The following MALRD1 variants were observed in gnomAD, a reference collection of about 807,000 sequenced individuals.
MALRD1 encodes MAM and LDL receptor class A domain containing 1, also known as MAM and LDL-receptor class A domain-containing protein 1.
In MALRD1, 247 loss-of-function variants were observed where a neutral mutation model predicts 242.1. That is an observed-to-expected ratio of 1.02 (90% confidence interval 0.92 to 1.13). MALRD1 has a LOEUF of 1.13. Ranked by LOEUF, MALRD1 falls within the 50% of genes most tolerant of loss-of-function variation. MALRD1 has a pLI of 0.00. For synonymous variants in MALRD1, 995 were observed against 866.6 expected (o/e 1.15, Z -2.60); for missense variants, 2,989 against 2,533.1 (o/e 1.18, Z -3.86).
chr10:19,412,730 C>A (rs983768484), intron 28 of MALRD1, among the ~76,000 whole-genome samples: 6 of 152,154 alleles, frequency 3.9e-5, no homozygotes, highest in Non-Finnish European at 7.4e-5. Flanking sequence ...GAGGCAGAGT[C>A]TGCCAACCAT....
chr10:19,495,057 A>T (rs554259124), intron 30 of MALRD1, among the ~76,000 whole-genome samples: 41 of 151,316 alleles, frequency 2.7e-4, no homozygotes, highest in African/African-American at 9.4e-4. Flanking sequence ...GCTCACTGCA[A>T]CCTCCGTCTC....
At chr10:19,440,917 A>T (rs9703341) in intron 28 of MALRD1, among the ~76,000 whole-genome samples, 2 of 150,992 alleles carry the variant, frequency 1.3e-5, no homozygotes, top group Admixed American at 6.6e-5. Flanking sequence ...AGGAATCACC[A>T]CACTGACTTC....
At chr10:19,064,566 C>T (rs1400633708) in intron 1 of MALRD1, among the ~76,000 whole-genome samples, 3 of 149,426 alleles carry the variant, frequency 2.0e-5, no homozygotes, top group Non-Finnish European at 4.4e-5. Flanking sequence ...CATTTTATAA[C>T]AAAAAGAACC....
intron 18 of MALRD1, among the ~76,000 whole-genome samples, chr10:19,213,844 G>C (rs986221240): frequency 6.6e-6 from 1 of 152,056 alleles, no homozygotes; most frequent in African/African-American, 2.4e-5. Flanking sequence ...GACTCTTTTT[G>C]GTCTTGCTTT....
At chr10:19,483,890 A>T (rs1298113225) in intron 29 of MALRD1, among the ~76,000 whole-genome samples, 1 of 152,190 alleles carries the variant, frequency 6.6e-6, no homozygotes, top group Non-Finnish European at 1.5e-5. Flanking sequence ...GCCCATCAAC[A>T]GTGGATTGAA....
intron 36 of MALRD1, among the ~76,000 whole-genome samples, chr10:19,688,096 C>T (rs1175656454): frequency 6.6e-6 from 1 of 151,910 alleles, no homozygotes; most frequent in African/African-American, 2.4e-5. Context: ...CAGCCTCCCA[C>T]GTCGCTGGGA....
At chr10:19,123,379 G>C (rs1235528680) in intron 5 of MALRD1, 113 bp from the exon 6 acceptor site, 1 of 451,446 alleles carries the variant, frequency 2.2e-6, no homozygotes, top group African/African-American at 2.0e-5. Context: ...ATACCATAAA[G>C]AGAAATTGGT....
In MALRD1 at chr10:19,607,779, A is replaced by G. The variant is rs767635371; in HGVS notation, c.5947A>G (p.Asn1983Asp). ...HFNEDELICSNKSCSNGALVC... is the reference protein window; with the variant it reads ...HFNEDELICSDKSCSNGALVC... Reference sequence around the variant, plus strand: ...TCATTATTCTTTTTTTTTTGCAGCCAACAAAAGCTGTTCTAATGGAGCTCT... The same window carrying G: ...TCATTATTCTTTTTTTTTTGCAGCCGACAAAAGCTGTTCTAATGGAGCTCT... Residue 1983 changes from asparagine to aspartate, a missense_variant and splice_region_variant, in exon 35 of 40, where the codon AAC (asparagine) becomes GAC (aspartate). Physicochemically the swap from Asn to Asp is conservative, Grantham distance 23. Transcript: ENST00000454679. The G allele has an allele frequency of 6.5e-7, 1 of 1,545,958 alleles. No homozygotes were observed. Among genetic ancestry groups the G allele is most frequent in the South Asian group, 1.2e-5 (1 of 83,238 alleles).
At chr10:19,247,108 A>C (rs986681960) in intron 18 of MALRD1, among the ~76,000 whole-genome samples, 1 of 152,136 alleles carries the variant, frequency 6.6e-6, no homozygotes, top group Non-Finnish European at 1.5e-5. Context: ...TTGCACAGCT[A>C]GTCTACATAG....
rs533739751 is a variant in MALRD1 at position 19,624,967 on chromosome 10, G to A, written c.6137+9044G>A. 7.3e-5 allele frequency among the ~76,000 whole-genome samples: 11 copies of A among 151,506 alleles called. No homozygotes were observed. In the South Asian group the frequency reaches 1.0e-3, roughly 14 times the overall value. Reference sequence around the variant, plus strand: ...CTGTAATCCTAGCACTTCAGAGGCAGAAGTGGGAGGATTGCTTGAGCCCAG... The same window carrying A: ...CTGTAATCCTAGCACTTCAGAGGCAAAAGTGGGAGGATTGCTTGAGCCCAG... On this transcript the variant is annotated intron_variant, in intron 36 of 39. Coordinates refer to ENST00000454679, the MANE Select transcript of MALRD1 (RefSeq NM_001142308.3).
chr10:19,450,126 A>G lies in MALRD1; in HGVS notation c.4846-181A>G, dbSNP rs112342331. ...ACCCCTGACCTCTTGAGTCTTTTTG[A>G]GTTGGGTTTGACAAGAATGACTCAA... is the stretch of plus-strand genomic sequence containing the variant. On this transcript the variant is annotated intron_variant, in intron 28 of 39. Transcript: ENST00000454679. Among the ~76,000 whole-genome samples the G allele has an allele frequency of 2.6e-3, 398 of 152,144 alleles. 3 individuals carry two copies. The highest frequency in any genetic ancestry group is 8.0e-3 in the African/African-American group (334 of 41,504).
At chr10:19,712,063 ATGGT>A (rs1463149417) in intron 38 of MALRD1, among the ~76,000 whole-genome samples, 5 of 152,286 alleles carry the variant, frequency 3.3e-5, no homozygotes, top group Non-Finnish European at 7.4e-5. Flanking sequence ...TGGAGGCCTG[ATGGT>A]TGGTTTCCCA....
chr10:19,714,696 A>G (rs1418099743), intron 38 of MALRD1, among the ~76,000 whole-genome samples: 1 of 152,126 alleles, frequency 6.6e-6, no homozygotes, highest in Non-Finnish European at 1.5e-5. Context: ...GTAGTGCTGC[A>G]GGGCTAGGAG....
chr10:19,240,118 C>G (rs755149039), intron 18 of MALRD1, among the ~76,000 whole-genome samples: 1 of 152,070 alleles, frequency 6.6e-6, no homozygotes, highest in Admixed American at 6.6e-5. Flanking sequence ...ATCAGTTCTT[C>G]CAATCCATGA....
chr10:19,189,928 A>G (rs939179306), intron 14 of MALRD1, among the ~76,000 whole-genome samples: 7 of 152,130 alleles, frequency 4.6e-5, no homozygotes, highest in Admixed American at 1.3e-4. Context: ...ATCCATATCC[A>G]TGTTTGCCAC....
At chr10:19,593,444 A>T (rs1326524090) in intron 33 of MALRD1, among the ~76,000 whole-genome samples, 1 of 152,194 alleles carries the variant, frequency 6.6e-6, no homozygotes, top group African/African-American at 2.4e-5. Context: ...TGAATTTGCT[A>T]TATCATCTTT....
chr10:19,637,338 G>A (rs1390461150), intron 36 of MALRD1, among the ~76,000 whole-genome samples: 1 of 152,124 alleles, frequency 6.6e-6, no homozygotes, highest in Non-Finnish European at 1.5e-5. Context: ...TATTTGATAA[G>A]ACTTGAGATA....
At chr10:19,669,972 C>T (rs948170272) in intron 36 of MALRD1, among the ~76,000 whole-genome samples, 1 of 152,050 alleles carries the variant, frequency 6.6e-6, no homozygotes, top group African/African-American at 2.4e-5. Context: ...AATTCTTCGT[C>T]ATCAGAGCTC....
At chr10:19,305,797 A>ATATATATACTATATATTATGTATATAC (rs1842138291) in intron 21 of MALRD1, among the ~76,000 whole-genome samples, 1 of 140,944 alleles carries the variant, frequency 7.1e-6, no homozygotes, top group Non-Finnish European at 1.5e-5. Context: ...TATATATACC[A>ATATATATACTATATATTATGTATATAC]TATATATACT....
Sources: allele counts gnomAD v4.1 joint callset (sites outside exome capture counted in the v4.1 genomes callset), GRCh38; gene constraint gnomAD v4.1.1; transcripts MANE v1.5; gene names NCBI Gene and HGNC (gene_info 2026-07-23, HGNC 2026-07-21).